HEMK2: variants seen among roughly 807,000 people sequenced by gnomAD.
HEMK2 encodes the protein methyltransferase HEMK2.
At chr21:28,865,538 GACT>G in the HEMK2 span, among the ~76,000 whole-genome samples, 1 of 152,152 alleles carries the variant, frequency 6.6e-6, no homozygotes, top group Non-Finnish European at 1.5e-5. Context: ...TCAGAATAAA[GACT>G]ACATCCTTTC....
At chr21:28,854,715 G>T in the HEMK2 span, among the ~76,000 whole-genome samples, 1 of 152,160 alleles carries the variant, frequency 6.6e-6, no homozygotes, top group Non-Finnish European at 1.5e-5. Context: ...GGCTAGGCCA[G>T]TTTCTCTTTT....
At chr21:28,639,131 T>C in the HEMK2 span, among the ~76,000 whole-genome samples, 3 of 152,100 alleles carry the variant, frequency 2.0e-5, no homozygotes, top group Non-Finnish European at 4.4e-5. Context: ...AAAGAAGCGA[T>C]AGCAATGGAG....
At chr21:28,770,890 T>C in the HEMK2 span, among the ~76,000 whole-genome samples, 5 of 152,080 alleles carry the variant, frequency 3.3e-5, no homozygotes, top group African/African-American at 9.7e-5. Flanking sequence ...TCTTAGAATA[T>C]CTCCTGAGTA....
the HEMK2 span, among the ~76,000 whole-genome samples, chr21:28,792,535 G>A: frequency 2.6e-5 from 4 of 152,164 alleles, no homozygotes; most frequent in African/African-American, 9.7e-5. Flanking sequence ...TGCTCTTGCG[G>A]TTGTAAGAAA....
At chr21:28,719,360 T>C in the HEMK2 span, among the ~76,000 whole-genome samples, 1 of 152,182 alleles carries the variant, frequency 6.6e-6, no homozygotes, top group Non-Finnish European at 1.5e-5. Flanking sequence ...AACTGAATCA[T>C]GGGGGTGGTT....
chr21:28,808,006 G>C, the HEMK2 span, among the ~76,000 whole-genome samples: 23 of 152,186 alleles, frequency 1.5e-4, no homozygotes, highest in South Asian at 4.8e-3. Context: ...GGTTTATAAA[G>C]AATGTTTGAG....
chr21:28,758,249 T>C, the HEMK2 span, among the ~76,000 whole-genome samples: 1 of 151,680 alleles, frequency 6.6e-6, no homozygotes, highest in Non-Finnish European at 1.5e-5. Flanking sequence ...GAAGACTGAA[T>C]AGGAGGCCAA....
chr21:28,610,101 G>T, the HEMK2 span, among the ~76,000 whole-genome samples: 1 of 152,114 alleles, frequency 6.6e-6, no homozygotes, highest in African/African-American at 2.4e-5. Flanking sequence ...TAGGCACATG[G>T]TCATCAGGTT....
chr21:28,879,594 T>A, the HEMK2 span, among the ~76,000 whole-genome samples: 1 of 152,248 alleles, frequency 6.6e-6, no homozygotes, highest in African/African-American at 2.4e-5. Context: ...ATACATGTAA[T>A]ATATATGTAC....
chr21:28,885,281 A>G, the HEMK2 span: 1 of 1,594,238 alleles, frequency 6.3e-7, no homozygotes, highest in South Asian at 1.1e-5. Flanking sequence ...GGGCTCGTAC[A>G]CGTCGCTGAA....
the HEMK2 span, among the ~76,000 whole-genome samples, chr21:28,690,393 A>G: frequency 1.3e-5 from 2 of 152,182 alleles, no homozygotes; most frequent in Admixed American, 1.3e-4. Context: ...GAGGCCCCAG[A>G]TAAGAGCCCA....
the HEMK2 span, among the ~76,000 whole-genome samples, chr21:28,649,480 GA>G: frequency 6.6e-6 from 1 of 152,344 alleles, no homozygotes; most frequent in Non-Finnish European, 1.5e-5. Flanking sequence ...GAACTGGAAA[GA>G]GGTAACAAAT....
the HEMK2 span, among the ~76,000 whole-genome samples, chr21:28,609,722 T>C: frequency 6.8e-6 from 1 of 147,508 alleles, no homozygotes; most frequent in African/African-American, 2.5e-5. Context: ...TAAAAAACAA[T>C]CACACTTTCT....
the HEMK2 span, among the ~76,000 whole-genome samples, chr21:28,759,669 T>C: frequency 6.6e-6 from 1 of 152,174 alleles, no homozygotes; most frequent in East Asian, 1.9e-4. Context: ...GGGAGATAAC[T>C]GAATCATGGG....
chr21:28,831,472 AAAG>A, the HEMK2 span, among the ~76,000 whole-genome samples: 914 of 37,506 alleles, frequency 0.024, 93 homozygotes, highest in African/African-American at 0.069. Context: ...CGAAAGAAAG[AAAG>A]AAAGAAAGAA....
At chr21:28,778,749 C>A in the HEMK2 span, among the ~76,000 whole-genome samples, 1 of 152,098 alleles carries the variant, frequency 6.6e-6, no homozygotes, top group Non-Finnish European at 1.5e-5. Context: ...ATGCCTTTTG[C>A]CCTTTACTAA....
chr21:28,738,702 G>A, the HEMK2 span, among the ~76,000 whole-genome samples: 2 of 152,176 alleles, frequency 1.3e-5, no homozygotes, highest in Non-Finnish European at 2.9e-5. Context: ...AAACAACAGA[G>A]CTTACGTCCT....
the HEMK2 span, among the ~76,000 whole-genome samples, chr21:28,825,325 A>G: frequency 1.3e-5 from 2 of 152,214 alleles, no homozygotes; most frequent in Non-Finnish European, 2.9e-5. Flanking sequence ...ATTCCCATGT[A>G]ATGCTGATGC....
At chr21:28,834,991 C>A in the HEMK2 span, among the ~76,000 whole-genome samples, 3 of 152,204 alleles carry the variant, frequency 2.0e-5, no homozygotes, top group South Asian at 6.2e-4. Context: ...TGCAGCAAGA[C>A]CCACCCAAGG....
Sources: allele counts gnomAD v4.1 joint callset (sites outside exome capture counted in the v4.1 genomes callset), GRCh38; gene constraint gnomAD v4.1.1; transcripts MANE v1.5; gene names NCBI Gene and HGNC (gene_info 2026-07-23, HGNC 2026-07-21).